TMEM45B: variants seen among roughly 807,000 people sequenced by gnomAD.
The protein encoded by TMEM45B is transmembrane protein 45B.
A neutral mutation model predicts 27.3 loss-of-function variants in TMEM45B; 29 were observed. The ratio of observed to expected loss-of-function variants is 1.06; its 90% CI spans 0.79 to 1.45. The LOEUF (loss-of-function observed/expected upper bound fraction) is 1.45. TMEM45B is among the 40% of genes most tolerant of loss of function. The pLI is 0.00. For synonymous variants in TMEM45B, 143 were observed against 134.7 expected (o/e 1.06, Z -0.43); for missense variants, 348 against 343.9 (o/e 1.01, Z -0.09).
chr11:129,845,337 A>ATTGTGTG (rs1555071917), intron 1 of TMEM45B, among the ~76,000 whole-genome samples: 9 of 121,528 alleles, frequency 7.4e-5, no homozygotes, highest in African/African-American at 2.4e-4. Flanking sequence ...GCTATTATAG[A>ATTGTGTG]TGTGTGTGTG....
chr11:129,826,794 A>G (rs2704456), intron 1 of TMEM45B, among the ~76,000 whole-genome samples: 47,739 of 147,832 alleles, frequency 0.32, 8,265 homozygotes, highest in East Asian at 0.48. Context: ...TGCAAGCTCC[A>G]CCTCCTGGGT....
intron 1 of TMEM45B, among the ~76,000 whole-genome samples, chr11:129,838,193 C>G (rs1326819354): frequency 4.6e-5 from 7 of 152,160 alleles, no homozygotes; most frequent in Non-Finnish European, 8.8e-5. Context: ...TTAAAGGACT[C>G]TGGGAAGCAG....
intron 1 of TMEM45B, among the ~76,000 whole-genome samples, chr11:129,825,975 T>TA (rs1398706715): frequency 3.1e-5 from 2 of 65,476 alleles, no homozygotes; most frequent in African/African-American, 4.7e-5. Context: ...GAAATATATG[T>TA]AAGGTTTTTT....
In TMEM45B at chr11:129,858,703, G is replaced by A. The variant is rs374031624; in HGVS notation, c.*18G>A. ...AGGAATGAGCCGAGATGCGGAGGGC[G>A]CAGATGTCCCACTGCACAGCTGGAA... On this transcript the variant is annotated 3_prime_UTR_variant, in exon 6 of 6. Coordinates refer to ENST00000281441, the MANE Select transcript of TMEM45B (RefSeq NM_138788.5). 1.5e-4 allele frequency: 224 copies of A among 1,516,268 alleles called. No homozygotes were observed. The highest frequency in any genetic ancestry group is 1.9e-4 in the Non-Finnish European group (216 of 1,115,268). The allele number at this position is 1,516,268 out of a possible 1,614,324, so 93.9% of individuals were successfully genotyped here.
Position 129,826,548 on chromosome 11 carries a change from C to CACAAAA in TMEM45B, c.-9+10651_-9+10652insCAAAAA, listed in dbSNP as rs765482228. ...TGGGGGACACAGCAAGACTCTGTCACAAAAAAAAAAAAAAAAAAAAGGACC... is the reference window on the plus strand; with the variant it reads ...TGGGGGACACAGCAAGACTCTGTCACACAAAAAAAAAAAAAAAAAAAAAAAAGGACC... On this transcript the variant is annotated intron_variant, in intron 1 of 5. Coordinates refer to ENST00000281441, the MANE Select transcript of TMEM45B (RefSeq NM_138788.5). 4.0e-3 allele frequency among the ~76,000 whole-genome samples: 70 copies of CACAAAA among 17,708 alleles called. 2 individuals are homozygous for CACAAAA. Among genetic ancestry groups the CACAAAA allele is most frequent in the South Asian group, 8.7e-3 (3 of 344 alleles). The allele number at this position is 17,708 out of a possible 152,430, so 11.6% of individuals were successfully genotyped here. A position where few individuals can be genotyped will look rare whatever the true frequency, so the allele number is the denominator to read the frequency against.
intron 2 of TMEM45B, among the ~76,000 whole-genome samples, chr11:129,853,445 G>A (rs1947877183): frequency 6.6e-6 from 1 of 152,222 alleles, no homozygotes; most frequent in Admixed American, 6.5e-5. Context: ...GCTTCACAGG[G>A]CTTTGTTGGT....
At chr11:129,852,013 C>A (rs890936349) in intron 1 of TMEM45B, among the ~76,000 whole-genome samples, 1 of 152,178 alleles carries the variant, frequency 6.6e-6, no homozygotes, top group Non-Finnish European at 1.5e-5. Context: ...TATTCTTCTA[C>A]GGTCTTTTTC....
At chr11:129,822,846 T>C (rs1161472443) in intron 1 of TMEM45B, among the ~76,000 whole-genome samples, 5 of 150,540 alleles carry the variant, frequency 3.3e-5, no homozygotes, top group Admixed American at 2.0e-4. Context: ...TTTTTCTTTT[T>C]TTTTTTTTTT....
intron 1 of TMEM45B, among the ~76,000 whole-genome samples, chr11:129,835,468 G>A (rs1947608986): frequency 6.6e-6 from 1 of 152,206 alleles, no homozygotes; most frequent in South Asian, 2.1e-4. Flanking sequence ...TGGACCAAAG[G>A]AGACAGAAAT....
chr11:129,823,782 A>T (rs1947448557), intron 1 of TMEM45B, among the ~76,000 whole-genome samples: 1 of 152,048 alleles, frequency 6.6e-6, no homozygotes, highest in African/African-American at 2.4e-5. Context: ...TAAATATCTA[A>T]TTATTTCTTA....
At chr11:129,845,327 G>A (rs1045638940) in intron 1 of TMEM45B, among the ~76,000 whole-genome samples, 33 of 126,780 alleles carry the variant, frequency 2.6e-4, no homozygotes, top group Admixed American at 1.4e-3. Context: ...AGGAAATAGA[G>A]CTATTATAGA....
At chr11:129,854,323 C>G (rs1464683317) in intron 2 of TMEM45B, among the ~76,000 whole-genome samples, 1 of 152,198 alleles carries the variant, frequency 6.6e-6, no homozygotes, top group African/African-American at 2.4e-5. Context: ...CTGGACAAAC[C>G]TCCTGGGGAT....
At chr11:129,827,205 G>A (rs1240275584) in intron 1 of TMEM45B, 1 of 152,254 alleles carries the variant, frequency 6.6e-6, no homozygotes, top group Non-Finnish European at 1.5e-5. Flanking sequence ...GTCATGTGGT[G>A]CTTAACGACA....
chr11:129,855,762 A>C lies in TMEM45B; in HGVS notation c.440A>C (p.His147Pro). Residue 147 changes from histidine (H) to proline (P), a missense_variant, in exon 4 of 6, where the codon CAC becomes CCC. Transcript: ENST00000281441. ...HNRPPLDQHI[H>P]SLLLYALFGG... Reference sequence around the variant, plus strand: ...CGGCCTCCGCTGGACCAGCACATCCACTCACTCCTGCTGTATGCTCTGTTC... The same window carrying C: ...CGGCCTCCGCTGGACCAGCACATCCCCTCACTCCTGCTGTATGCTCTGTTC... 2.5e-6 allele frequency: 4 copies of C among 1,613,428 alleles called. No homozygotes were observed. Among genetic ancestry groups the C allele is most frequent in the Non-Finnish European group, 3.4e-6 (4 of 1,179,860 alleles).
chr11:129,831,679 C>T (rs1947548302), intron 1 of TMEM45B, among the ~76,000 whole-genome samples: 1 of 152,176 alleles, frequency 6.6e-6, no homozygotes, highest in Non-Finnish European at 1.5e-5. Flanking sequence ...TTCTTCACAG[C>T]ATCATTATTC....
At chr11:129,822,954 C>A (rs1326664558) in intron 1 of TMEM45B, among the ~76,000 whole-genome samples, 1 of 151,564 alleles carries the variant, frequency 6.6e-6, no homozygotes, top group Non-Finnish European at 1.5e-5. Flanking sequence ...CATTCTCCTA[C>A]CTCAGCCTCC....
At chr11:129,842,387 T>G (rs772658493) in intron 1 of TMEM45B, among the ~76,000 whole-genome samples, 46 of 152,162 alleles carry the variant, frequency 3.0e-4, no homozygotes, top group Admixed American at 2.6e-3. Flanking sequence ...CTTCCTGTGT[T>G]CAAATTATAT....
At chr11:129,844,333 A>G (rs1298021071) in intron 1 of TMEM45B, among the ~76,000 whole-genome samples, 1 of 152,172 alleles carries the variant, frequency 6.6e-6, no homozygotes, top group East Asian at 1.9e-4. Flanking sequence ...AAAGGGTACA[A>G]ACTTGCAGTT....
intron 1 of TMEM45B, among the ~76,000 whole-genome samples, chr11:129,832,678 A>G (rs1947564799): frequency 6.6e-6 from 1 of 152,070 alleles, no homozygotes; most frequent in South Asian, 2.1e-4. Context: ...CTGTTAGTAA[A>G]CCAAAAAATA....
Sources: gnomAD v4.1 joint callset for allele counts (sites outside exome capture counted in the v4.1 genomes callset) on GRCh38, gnomAD v4.1.1 for gene constraint, MANE v1.5 for transcripts, NCBI Gene and HGNC (gene_info 2026-07-23, HGNC 2026-07-21) for gene names.